The following CEP112 variants were observed in gnomAD, a reference collection of about 807,000 sequenced individuals.
The protein encoded by CEP112 is centrosomal protein 112.
In CEP112, 127 loss-of-function variants were observed where a neutral mutation model predicts 153.0. The ratio of observed to expected loss-of-function variants is 0.83; its 90% CI spans 0.72 to 0.96. CEP112 has a LOEUF of 0.96. Ranked by LOEUF, CEP112 falls within the 40% of genes least tolerant of loss-of-function variation. CEP112 has a pLI of 0.00. For missense variants in CEP112, 1,089 were observed against 1,101.2 expected (o/e 0.99, Z 0.16); for synonymous variants, 358 against 374.4 (o/e 0.96, Z 0.51).
intron 24 of CEP112, among the ~76,000 whole-genome samples, chr17:65,646,099 T>C (rs556160680): frequency 9.2e-4 from 140 of 152,358 alleles, no homozygotes; most frequent in Non-Finnish European, 1.8e-3. Context: ...ACTATTCACA[T>C]GTGATGGTTT....
chr17:65,673,151 G>T (rs916722981), intron 24 of CEP112, among the ~76,000 whole-genome samples: 1 of 152,102 alleles, frequency 6.6e-6, no homozygotes, highest in Non-Finnish European at 1.5e-5. Flanking sequence ...GCTCATTTGG[G>T]TTGTTGGCAG....
chr17:66,087,018 C>T (rs929761959), intron 8 of CEP112, among the ~76,000 whole-genome samples: 1 of 152,042 alleles, frequency 6.6e-6, no homozygotes, highest in Non-Finnish European at 1.5e-5. Flanking sequence ...TCAGAAATGA[C>T]TGTAATTGCA....
chr17:65,710,738 T>C (rs1427799735), intron 23 of CEP112, among the ~76,000 whole-genome samples: 1 of 152,188 alleles, frequency 6.6e-6, no homozygotes, highest in African/African-American at 2.4e-5. Context: ...AGGCTGGATG[T>C]CACAGTGGGA....
chr17:66,103,115 C>T (rs894662382), intron 6 of CEP112, among the ~76,000 whole-genome samples: 1 of 151,824 alleles, frequency 6.6e-6, no homozygotes, highest in Admixed American at 6.6e-5. Context: ...ATCCCAGCTA[C>T]TCGGAAGGCT....
At chr17:66,127,529 AG>A (rs2069903601) in intron 6 of CEP112, among the ~76,000 whole-genome samples, 1 of 46,690 alleles carries the variant, frequency 2.1e-5, no homozygotes, top group Non-Finnish European at 4.4e-5. Context: ...CAAAATTAAT[AG>A]GAGGCCCACA....
rs182296823 is a variant in CEP112 at position 66,110,090 on chromosome 17, G to A, written c.643-13458C>T. The stretch of plus-strand genomic sequence containing the variant: ...CAGGAGAATGGTGTGAACCCAGGAG[G>A]CGGAGCTTGCAGTGAGCCAAGATTG... On this transcript the variant is annotated intron_variant, in intron 6 of 26. Coordinates refer to ENST00000535342, the MANE Select transcript of CEP112 (RefSeq NM_001199165.4). 1.4e-4 allele frequency among the ~76,000 whole-genome samples: 22 copies of A among 152,294 alleles called. No individual in the cohort carries two copies. The East Asian group carries it at 3.5e-3, about 24-fold the overall frequency.
chr17:66,027,260 C>G (rs1238471874), intron 16 of CEP112, among the ~76,000 whole-genome samples: 1 of 152,000 alleles, frequency 6.6e-6, no homozygotes, highest in Non-Finnish European at 1.5e-5. Flanking sequence ...ACCTGTAGTC[C>G]CAGCTACTCA....
intron 24 of CEP112, among the ~76,000 whole-genome samples, chr17:65,654,056 C>CAAAAAAAAAAAAAAAAAAAAAAAAAAAA (rs773433478): frequency 1.3e-3 from 35 of 26,878 alleles, no homozygotes; most frequent in Non-Finnish European, 2.1e-3. Context: ...AAGACTCCAT[C>CAAAAAAAAAAAAAAAAAAAAAAAAAAAA]AAAAAAAAAA....
At chr17:65,847,980 C>T (rs2057788995) in intron 21 of CEP112, among the ~76,000 whole-genome samples, 1 of 152,098 alleles carries the variant, frequency 6.6e-6, no homozygotes, top group African/African-American at 2.4e-5. Context: ...AGCCTTGTAG[C>T]CGAGGGCTGA....
At chr17:66,146,083 T>A (rs2070906557) in intron 4 of CEP112, among the ~76,000 whole-genome samples, 1 of 152,092 alleles carries the variant, frequency 6.6e-6, no homozygotes, top group Non-Finnish European at 1.5e-5. Flanking sequence ...TCTGTTCTTG[T>A]AAGGTCTTTG....
intron 6 of CEP112, among the ~76,000 whole-genome samples, chr17:66,117,183 C>T (rs1347096364): frequency 6.6e-6 from 1 of 152,002 alleles, no homozygotes; most frequent in Non-Finnish European, 1.5e-5. Flanking sequence ...TGTGAGCTAC[C>T]GTACCCAGGC....
chr17:65,788,891 C>T (rs1470082101), intron 21 of CEP112, among the ~76,000 whole-genome samples: 1 of 152,180 alleles, frequency 6.6e-6, no homozygotes, highest in Non-Finnish European at 1.5e-5. Context: ...TCCTTATTTC[C>T]TCCTGGTTCT....
In CEP112 at chr17:65,651,317, T is replaced by G. The variant is rs548551466; in HGVS notation, c.2698-10252A>C. The stretch of plus-strand genomic sequence containing the variant: ...TATTCTATTGCATATAGACCACAGT[T>G]TCTTTATCCACTCATTGATTGATGG... On this transcript the variant is annotated intron_variant, in intron 24 of 26. Coordinates refer to ENST00000535342, the MANE Select transcript of CEP112 (RefSeq NM_001199165.4). 5.3e-5 allele frequency among the ~76,000 whole-genome samples: 8 copies of G among 152,328 alleles called. No homozygotes were observed. In the South Asian group the frequency reaches 1.7e-3, roughly 32 times the overall value.
In CEP112 at chr17:65,635,829, C is replaced by T. The variant is rs1186264759; in HGVS notation, c.*142G>A. The T allele has an allele frequency of 1.3e-5, 11 of 821,232 alleles. No individual in the cohort carries two copies. The highest frequency in any genetic ancestry group is 5.2e-5 in the African/African-American group (3 of 58,000). 50.9% of individuals were successfully genotyped at this position (821,232 alleles called of 1,614,324 possible). A position where few individuals can be genotyped will look rare whatever the true frequency, so the allele number is the denominator to read the frequency against. On this transcript the variant is annotated 3_prime_UTR_variant, in exon 27 of 27. Coordinates refer to ENST00000535342, the MANE Select transcript of CEP112 (RefSeq NM_001199165.4). Reference sequence around the variant, plus strand: ...CCACCCCACTAGTGTATGAATGATGCATGTTTTTATGATCTTAATTACATT... The same window carrying T: ...CCACCCCACTAGTGTATGAATGATGTATGTTTTTATGATCTTAATTACATT...
chr17:65,675,027 A>T (rs2047157969), intron 24 of CEP112, among the ~76,000 whole-genome samples: 1 of 152,224 alleles, frequency 6.6e-6, no homozygotes, highest in South Asian at 2.1e-4. Context: ...AGCTCTGGAA[A>T]ATATAATAAG....
At chr17:65,904,219 A>T (rs927326127) in intron 19 of CEP112, among the ~76,000 whole-genome samples, 56 of 152,368 alleles carry the variant, frequency 3.7e-4, no homozygotes, top group African/African-American at 1.3e-3. Context: ...TCTCAGCCCC[A>T]AATCTCCTTA....
chr17:65,927,735 G>T, intron 18 of CEP112, 46 bp from the exon 19 acceptor site: 1 of 1,205,744 alleles, frequency 8.3e-7, no homozygotes, highest in South Asian at 1.6e-5. Flanking sequence ...ACAAACAATT[G>T]TGTTCCATGT....
At chr17:65,970,969 C>A (rs1442743685) in intron 17 of CEP112, among the ~76,000 whole-genome samples, 1 of 150,964 alleles carries the variant, frequency 6.6e-6, no homozygotes, top group Non-Finnish European at 1.5e-5. Context: ...ACATGTTGGC[C>A]AGGCTGATTT....
intron 23 of CEP112, among the ~76,000 whole-genome samples, chr17:65,719,802 G>A (rs2144829680): frequency 6.6e-6 from 1 of 152,282 alleles, no homozygotes; most frequent in East Asian, 1.9e-4. Context: ...TGAGCAGCAG[G>A]AAAGGAAGAG....
Sources: allele counts gnomAD v4.1 joint callset (sites outside exome capture counted in the v4.1 genomes callset), GRCh38; gene constraint gnomAD v4.1.1; transcripts MANE v1.5; gene names NCBI Gene and HGNC (gene_info 2026-07-23, HGNC 2026-07-21).